Variants in HCN1 observed in about 807,000 individuals in gnomAD.
The protein encoded by HCN1 is potassium/sodium hyperpolarization-activated cyclic nucleotide-gated channel 1.
A neutral mutation model predicts 78.9 loss-of-function variants in HCN1; 13 were observed. The ratio of observed to expected loss-of-function variants is 0.16; its 90% CI spans 0.11 to 0.26. HCN1 has a LOEUF of 0.26. Ranked by LOEUF, HCN1 falls within the 10% of genes least tolerant of loss-of-function variation. HCN1 has a pLI of 1.00. For missense variants in HCN1, 810 were observed against 1,154.3 expected (o/e 0.70, Z 4.32); for synonymous variants, 552 against 455.5 (o/e 1.21, Z -2.70).
At chr5:45,312,210 G>A (rs1473555494) in intron 5 of HCN1, among the ~76,000 whole-genome samples, 1 of 152,102 alleles carries the variant, frequency 6.6e-6, no homozygotes, top group African/African-American at 2.4e-5. Flanking sequence ...CTTCTCATTT[G>A]GCAAACGGTA....
intron 6 of HCN1, among the ~76,000 whole-genome samples, chr5:45,284,273 C>T (rs1029640025): frequency 6.6e-6 from 1 of 151,912 alleles, no homozygotes; most frequent in Non-Finnish European, 1.5e-5. Context: ...CACAGGTGCC[C>T]CTGAAATGAA....
At chr5:45,372,176 T>TATAATA (rs1747403547) in intron 4 of HCN1, among the ~76,000 whole-genome samples, 2 of 62,288 alleles carry the variant, frequency 3.2e-5, no homozygotes, top group African/African-American at 1.9e-4. Flanking sequence ...TATAATTATA[T>TATAATA]TATAATATAA....
intron 5 of HCN1, among the ~76,000 whole-genome samples, chr5:45,304,597 C>A (rs550154910): frequency 1.3e-5 from 2 of 152,156 alleles, no homozygotes; most frequent in South Asian, 4.1e-4. Context: ...ATTGCTTGAA[C>A]CCAGGAGGCG....
At chr5:45,460,315 T>A (rs1290156264) in intron 3 of HCN1, among the ~76,000 whole-genome samples, 1 of 152,142 alleles carries the variant, frequency 6.6e-6, no homozygotes, top group Non-Finnish European at 1.5e-5. Context: ...TTGTCTTCTC[T>A]GGAGGACATA....
intron 2 of HCN1, among the ~76,000 whole-genome samples, chr5:45,468,508 T>C (rs1328487727): frequency 6.6e-6 from 1 of 152,138 alleles, no homozygotes; most frequent in Non-Finnish European, 1.5e-5. Flanking sequence ...ATATTTTACC[T>C]TGGCTATTAC....
At chr5:45,667,591 A>C (rs1746074852) in intron 1 of HCN1, among the ~76,000 whole-genome samples, 1 of 151,968 alleles carries the variant, frequency 6.6e-6, no homozygotes, top group Non-Finnish European at 1.5e-5. Flanking sequence ...ATTTACAGTG[A>C]ATTTTAAAAC....
chr5:45,475,457 A>G (rs1440915653), intron 2 of HCN1, among the ~76,000 whole-genome samples: 1 of 152,116 alleles, frequency 6.6e-6, no homozygotes, highest in Admixed American at 6.6e-5. Flanking sequence ...TCCATTATCA[A>G]TTTGAGCTAA....
chr5:45,493,439 T>C (rs1475760901), intron 2 of HCN1, among the ~76,000 whole-genome samples: 1 of 152,122 alleles, frequency 6.6e-6, no homozygotes, highest in Admixed American at 6.5e-5. Flanking sequence ...ATATTCCTTT[T>C]ACATAAATGA....
chr5:45,528,355 A>G (rs1217482628), intron 2 of HCN1, among the ~76,000 whole-genome samples: 1 of 151,976 alleles, frequency 6.6e-6, no homozygotes, highest in African/African-American at 2.4e-5. Flanking sequence ...TTAGAGTTAT[A>G]TAGCAAGTAT....
At chr5:45,691,693 T>G (rs1739915948) in intron 1 of HCN1, among the ~76,000 whole-genome samples, 2 of 152,170 alleles carry the variant, frequency 1.3e-5, no homozygotes, top group Admixed American at 6.5e-5. Context: ...GTAGGCTAAT[T>G]CGTCTTTAAA....
chr5:45,414,095 A>G (rs1740073698), intron 3 of HCN1, among the ~76,000 whole-genome samples: 1 of 152,060 alleles, frequency 6.6e-6, no homozygotes, highest in Admixed American at 6.6e-5. Context: ...GCAAATCTTT[A>G]TGGCCAATTC....
At chr5:45,287,395 G>C (rs1454506763) in intron 6 of HCN1, among the ~76,000 whole-genome samples, 1 of 151,834 alleles carries the variant, frequency 6.6e-6, no homozygotes. Flanking sequence ...ATAAATATAT[G>C]CCTTCCATTT....
At chr5:45,323,767 C>G (rs1192055522) in intron 5 of HCN1, among the ~76,000 whole-genome samples, 1 of 151,718 alleles carries the variant, frequency 6.6e-6, no homozygotes, top group Non-Finnish European at 1.5e-5. Flanking sequence ...TCCTGTGTCT[C>G]TGTGTTCTCA....
At chr5:45,279,103 A>G (rs1579774657) in intron 6 of HCN1, among the ~76,000 whole-genome samples, 1 of 152,330 alleles carries the variant, frequency 6.6e-6, no homozygotes, top group Middle Eastern at 3.4e-3. Flanking sequence ...GAAAGAACAG[A>G]AATCAGCAGA....
chr5:45,533,210 T>G (rs1002613768), intron 2 of HCN1, among the ~76,000 whole-genome samples: 5 of 152,188 alleles, frequency 3.3e-5, no homozygotes, highest in Non-Finnish European at 7.3e-5. Flanking sequence ...TAGAAAACAT[T>G]GCACATTTGT....
intron 2 of HCN1, among the ~76,000 whole-genome samples, chr5:45,585,998 T>C (rs1015696262): frequency 2.0e-5 from 3 of 152,196 alleles, no homozygotes; most frequent in African/African-American, 4.8e-5. Context: ...AGGCAGGCTG[T>C]CTGTTCTCAG....
chr5:45,374,350 A>G (rs1445059286), intron 4 of HCN1, among the ~76,000 whole-genome samples: 1 of 141,840 alleles, frequency 7.1e-6, no homozygotes, highest in East Asian at 2.0e-4. Flanking sequence ...TATATATAAT[A>G]TACATATCCC....
At chr5:45,267,062 T>C (rs1362959870) in intron 7 of HCN1, 27 bp downstream of exon 7, 1 of 1,584,350 alleles carries the variant, frequency 6.3e-7, no homozygotes, top group South Asian at 1.1e-5. Flanking sequence ...TTAAATTTTA[T>C]ATAAAGAAGG....
chr5:45,429,370 G>C (rs1236845192), intron 3 of HCN1, among the ~76,000 whole-genome samples: 1 of 152,062 alleles, frequency 6.6e-6, no homozygotes, highest in Non-Finnish European at 1.5e-5. Flanking sequence ...TCTCAACCGG[G>C]GCTAGATAAT....
Sources: allele counts gnomAD v4.1 joint callset (sites outside exome capture counted in the v4.1 genomes callset), GRCh38; gene constraint gnomAD v4.1.1; transcripts MANE v1.5; gene names NCBI Gene and HGNC (gene_info 2026-07-23, HGNC 2026-07-21).